The following CNTNAP2 variants were observed in gnomAD, a reference collection of about 807,000 sequenced individuals.
The protein encoded by CNTNAP2 is contactin associated protein 2.
In CNTNAP2, 98 loss-of-function variants were observed where a neutral mutation model predicts 155.2. That is an observed-to-expected ratio of 0.63 (90% confidence interval 0.54 to 0.75). The LOEUF is 0.75. Ranked by LOEUF, CNTNAP2 falls within the 30% of genes least tolerant of loss-of-function variation. The probability of loss-of-function intolerance (pLI) is 0.00; values close to 1 mark genes in which losing one functional copy is unlikely to be tolerated. For synonymous variants in CNTNAP2, 651 were observed against 631.2 expected (o/e 1.03, Z -0.47); for missense variants, 1,727 against 1,688.1 (o/e 1.02, Z -0.40).
At chr7:146,188,835 CA>C (rs1398744366) in intron 1 of CNTNAP2, among the ~76,000 whole-genome samples, 6 of 152,146 alleles carry the variant, frequency 3.9e-5, no homozygotes, top group Non-Finnish European at 7.4e-5. Flanking sequence ...TTTGACATCC[CA>C]ATTTGGCTAT....
At chr7:146,633,949 T>G (rs1303541050) in intron 1 of CNTNAP2, among the ~76,000 whole-genome samples, 7 of 151,974 alleles carry the variant, frequency 4.6e-5, no homozygotes, top group African/African-American at 1.5e-4. Flanking sequence ...CTCCCTTTGC[T>G]GCCATCTGGC....
At chr7:147,525,041 A>G (rs185449847) in intron 11 of CNTNAP2, among the ~76,000 whole-genome samples, 1 of 152,344 alleles carries the variant, frequency 6.6e-6, no homozygotes, top group East Asian at 1.9e-4. Context: ...AAATTCTGAC[A>G]GCAGGGAAAG....
Position 147,562,239 on chromosome 7 carries a change from G to A in CNTNAP2, c.1879G>A (p.Val627Ile), listed in dbSNP as rs147447659. ...CAGCGGACCTCTGGGGCCTCTGAAA[G>A]TTTACTGCAACATGACAGGTAACTG... ...DGSGPLGPLK[V>I]YCNMTEDKVW... Residue 627 changes from valine to isoleucine, a missense_variant, in exon 12 of 24, where the codon GTT (valine) becomes ATT (isoleucine). By Grantham distance (29) the Val-to-Ile change is conservative. Coordinates refer to ENST00000361727, the MANE Select transcript of CNTNAP2 (RefSeq NM_014141.6). The A allele has an allele frequency of 4.6e-5, 74 of 1,613,984 alleles. 1 individual carries two copies. In the African/African-American group the frequency reaches 8.9e-4, roughly 19 times the overall value.
At chr7:147,396,766 T>C (rs1038193688) in intron 10 of CNTNAP2, among the ~76,000 whole-genome samples, 2 of 152,036 alleles carry the variant, frequency 1.3e-5, no homozygotes, top group Non-Finnish European at 2.9e-5. Flanking sequence ...TTCTAAGATA[T>C]ATTGAAGTCT....
In CNTNAP2 at chr7:147,545,249, C is replaced by T. The variant is rs527260972; in HGVS notation, c.1778-16889C>T. 1.3e-3 allele frequency among the ~76,000 whole-genome samples: 204 copies of T among 152,200 alleles called. 2 individuals carry two copies. Among genetic ancestry groups the T allele is most frequent in the Middle Eastern group, 6.8e-3 (2 of 294 alleles). ...TGCTCAACAATACAAGCCCTAACTCCTCACTCAGAAATTTGTCTACTGAAA... is the reference window on the plus strand; with the variant it reads ...TGCTCAACAATACAAGCCCTAACTCTTCACTCAGAAATTTGTCTACTGAAA... On this transcript the variant is annotated intron_variant, in intron 11 of 23. Coordinates refer to ENST00000361727, the MANE Select transcript of CNTNAP2 (RefSeq NM_014141.6).
intron 14 of CNTNAP2, among the ~76,000 whole-genome samples, chr7:147,977,552 G>A (rs1196525442): frequency 6.6e-6 from 1 of 152,158 alleles, no homozygotes; most frequent in Non-Finnish European, 1.5e-5. Flanking sequence ...CTCTGCATGT[G>A]TGCTCAGGGT....
At chr7:147,049,368 TTTCCAAAAGTTAC>T (rs1192471104) in intron 4 of CNTNAP2, among the ~76,000 whole-genome samples, 2 of 152,358 alleles carry the variant, frequency 1.3e-5, no homozygotes, top group Non-Finnish European at 2.9e-5. Flanking sequence ...TACGAAACAC[TTTCCAAAAGTTAC>T]TTCCAAAAAT....
chr7:146,452,107 C>T (rs1331512527), intron 1 of CNTNAP2, among the ~76,000 whole-genome samples: 2 of 151,644 alleles, frequency 1.3e-5, no homozygotes, highest in East Asian at 3.9e-4. Context: ...CGGGGTTTCA[C>T]CATATTAGCC....
In CNTNAP2 at chr7:147,083,333, A is replaced by G. The variant is rs1196197918; in HGVS notation, c.551-24814A>G. ...AGTTTCGAGAGCCTTCAAAAGTATT[A>G]ATGACAAACTAACGTTTGGAATATG... On this transcript the variant is annotated intron_variant, in intron 4 of 23. Coordinates refer to ENST00000361727, the MANE Select transcript of CNTNAP2 (RefSeq NM_014141.6). The G allele has an allele frequency of 2.0e-5, 3 of 151,952 alleles. No homozygotes were observed. In the East Asian group the frequency reaches 5.8e-4, roughly 29 times the overall value. The allele number at this position is 151,952 out of a possible 1,614,324, so 9.4% of individuals were successfully genotyped here.
intron 21 of CNTNAP2, among the ~76,000 whole-genome samples, chr7:148,300,426 A>G (rs1318447416): frequency 6.6e-6 from 1 of 152,232 alleles, no homozygotes; most frequent in Non-Finnish European, 1.5e-5. Context: ...GCATCAGCAT[A>G]TGAACTATAT....
intron 17 of CNTNAP2, among the ~76,000 whole-genome samples, chr7:148,161,198 G>T (rs77647939): frequency 0.015 from 2,300 of 152,192 alleles, 29 homozygotes; most frequent in Admixed American, 0.024. Context: ...TTTTGCTGCC[G>T]CTTCATGTCG....
chr7:146,900,330 C>T (rs549734136), intron 3 of CNTNAP2, among the ~76,000 whole-genome samples: 2 of 152,254 alleles, frequency 1.3e-5, no homozygotes, highest in South Asian at 2.1e-4. Context: ...TTATTACGAT[C>T]CAACTCAAAT....
chr7:147,173,804 G>C (rs973096313), intron 8 of CNTNAP2, among the ~76,000 whole-genome samples: 1 of 152,168 alleles, frequency 6.6e-6, no homozygotes, highest in Admixed American at 6.5e-5. Context: ...ATCCCGGGAA[G>C]CAAGGGGACT....
chr7:146,405,534 G>A (rs982596373), intron 1 of CNTNAP2, among the ~76,000 whole-genome samples: 1 of 152,172 alleles, frequency 6.6e-6, no homozygotes, highest in African/African-American at 2.4e-5. Context: ...TGAATTTAAA[G>A]ATAACTAATA....
At chr7:148,150,352 T>A (rs1419419107) in intron 17 of CNTNAP2, among the ~76,000 whole-genome samples, 2 of 152,104 alleles carry the variant, frequency 1.3e-5, no homozygotes, top group Non-Finnish European at 1.5e-5. Flanking sequence ...ATCCTGACCA[T>A]CCTGGCTAAC....
intron 3 of CNTNAP2, among the ~76,000 whole-genome samples, chr7:146,911,445 G>A (rs889044750): frequency 3.9e-5 from 6 of 152,042 alleles, no homozygotes; most frequent in East Asian, 3.9e-4. Flanking sequence ...AGAAAATGTG[G>A]CACATATACA....
chr7:146,925,855 G>C (rs1173327632), intron 3 of CNTNAP2, among the ~76,000 whole-genome samples: 1 of 152,002 alleles, frequency 6.6e-6, no homozygotes, highest in African/African-American at 2.4e-5. Flanking sequence ...CTCCAAATAA[G>C]CTTCCGAACA....
chr7:147,137,889 A>ATAGG (rs1470620275), intron 8 of CNTNAP2, among the ~76,000 whole-genome samples: 1 of 126,086 alleles, frequency 7.9e-6, no homozygotes, highest in Admixed American at 8.3e-5. Flanking sequence ...AGATAGATAG[A>ATAGG]TAGATAGATA....
At position 146,802,638 on chromosome 7, in the gene CNTNAP2, G is replaced by T. The variant is rs573016934; in HGVS notation, c.208+28257G>T. On this transcript the variant is annotated intron_variant, in intron 2 of 23. Transcript: ENST00000361727. ...TGCTCCACCATGGTAAAACACGCAT[G>T]CCTCACCTTCACCATCCGCCATGAT... 5.5e-4 allele frequency among the ~76,000 whole-genome samples: 84 copies of T among 152,210 alleles called. No homozygotes were observed. In the South Asian group the frequency reaches 0.011, roughly 20 times the overall value.
Sources: allele counts gnomAD v4.1 joint callset (sites outside exome capture counted in the v4.1 genomes callset), GRCh38; gene constraint gnomAD v4.1.1; transcripts MANE v1.5; gene names NCBI Gene and HGNC (gene_info 2026-07-23, HGNC 2026-07-21).